The following NCBP1 variants were observed in gnomAD, a reference collection of about 807,000 sequenced individuals.
NCBP1 encodes nuclear cap-binding protein subunit 1.
In NCBP1, 16 loss-of-function variants were observed where a neutral mutation model predicts 111.7. That is an observed-to-expected ratio of 0.14 (90% CI 0.10 to 0.22). The LOEUF is 0.22. NCBP1 is among the 10% of genes least tolerant of loss of function. The pLI, the probability that NCBP1 is intolerant of heterozygous loss-of-function variation, is 1.00. For synonymous variants in NCBP1, 304 were observed against 314.3 expected (o/e 0.97, Z 0.35); for missense variants, 607 against 957.5 (o/e 0.63, Z 4.83).
At chr9:97,642,481 A>G (rs1827229178) in intron 3 of NCBP1, among the ~76,000 whole-genome samples, 1 of 152,028 alleles carries the variant, frequency 6.6e-6, no homozygotes, top group Admixed American at 6.6e-5. Flanking sequence ...ATGAATTCTT[A>G]TTGCTTTTTG....
At chr9:97,658,503 A>G in intron 14 of NCBP1, 137 bp from the exon 15 acceptor site, 2 of 665,670 alleles carry the variant, frequency 3.0e-6, no homozygotes, top group Non-Finnish European at 5.2e-6. Context: ...AACTCAAAGG[A>G]TTTTTTTTTC....
chr9:97,672,328 A>C lies in NCBP1; in HGVS notation c.*1129A>C, dbSNP rs1228420275. 2.0e-5 allele frequency: 3 copies of C among 152,120 alleles called. No homozygotes were observed. The highest frequency in any genetic ancestry group is 2.9e-5 in the Non-Finnish European group (2 of 68,016). 9.4% of individuals were successfully genotyped at this position (152,120 alleles called of 1,614,324 possible). A position where few individuals can be genotyped will look rare whatever the true frequency, so the allele number is the denominator to read the frequency against. ...GTATAATTTTTTCTTATTACATCCC[A>C]AGTTTATGATGCATTAAGCGTTTTG... On this transcript the variant is annotated 3_prime_UTR_variant, in exon 23 of 23. Transcript: ENST00000375147.
chr9:97,645,029 C>A, intron 4 of NCBP1, 88 bp from the exon 5 acceptor site: 1 of 958,022 alleles, frequency 1.0e-6, no homozygotes, highest in Non-Finnish European at 1.6e-6. Context: ...TTTTTTAGAC[C>A]AATAGTTTAG....
intron 1 of NCBP1, among the ~76,000 whole-genome samples, chr9:97,638,498 TA>T (rs752973928): frequency 2.6e-5 from 4 of 152,250 alleles, no homozygotes; most frequent in African/African-American, 4.8e-5. Flanking sequence ...AAAGTTAAGT[TA>T]GGAAGACTGT....
At chr9:97,643,492 T>C in intron 4 of NCBP1, 132 bp downstream of exon 4, 4 of 936,546 alleles carry the variant, frequency 4.3e-6, no homozygotes, top group Non-Finnish European at 6.1e-6. Flanking sequence ...AAGCCACCTT[T>C]ATTTTGACGA....
chr9:97,665,138 T>A (rs1222988258), intron 19 of NCBP1, among the ~76,000 whole-genome samples: 1 of 152,244 alleles, frequency 6.6e-6, no homozygotes, highest in Admixed American at 6.5e-5. Flanking sequence ...TTTTCCACTG[T>A]ATCTGTTACT....
chr9:97,667,615 T>G (rs1434448776), intron 20 of NCBP1, among the ~76,000 whole-genome samples: 2 of 152,214 alleles, frequency 1.3e-5, no homozygotes, highest in Non-Finnish European at 1.5e-5. Flanking sequence ...GTAGGTTGCA[T>G]AGCTGGTAAA....
intron 1 of NCBP1, among the ~76,000 whole-genome samples, chr9:97,638,406 C>CAAA (rs1827114037): frequency 6.6e-6 from 1 of 152,082 alleles, no homozygotes; most frequent in South Asian, 2.1e-4. Context: ...GCACTATTTT[C>CAAA]CCCTTTTCAA....
In NCBP1 at chr9:97,673,318, T is replaced by C. The variant is rs1373045833; in HGVS notation, c.*2119T>C. 6.6e-6 allele frequency: 1 copy of C among 152,166 alleles called. No individual in the cohort carries two copies. The highest frequency in any genetic ancestry group is 6.5e-5 in the Admixed American group (1 of 15,270). 9.4% of individuals were successfully genotyped at this position (152,166 alleles called of 1,614,324 possible). On this transcript the variant is annotated 3_prime_UTR_variant, in exon 23 of 23. Coordinates refer to ENST00000375147, the MANE Select transcript of NCBP1 (RefSeq NM_002486.5). ...TTCAAGGGTCAACTGTAGTTTAAAATGACTCCTGTCTCAAAAAACCAAAGG... is the reference window on the plus strand; with the variant it reads ...TTCAAGGGTCAACTGTAGTTTAAAACGACTCCTGTCTCAAAAAACCAAAGG...
In NCBP1 at chr9:97,672,287, C is replaced by A. The variant is rs1428665785; in HGVS notation, c.*1088C>A. 6.6e-6 allele frequency: 1 copy of A among 151,752 alleles called. No individual in the cohort carries two copies. Among genetic ancestry groups the A allele is most frequent in the Non-Finnish European group, 1.5e-5 (1 of 67,894 alleles). 9.4% of individuals were successfully genotyped at this position (151,752 alleles called of 1,614,324 possible). ...TACAACTACTGGTAGTGTTGTTGTG[C>A]ATTTGCACAAAATAGGTATAATTTT... On this transcript the variant is annotated 3_prime_UTR_variant, in exon 23 of 23. Coordinates refer to ENST00000375147, the MANE Select transcript of NCBP1 (RefSeq NM_002486.5).
At chr9:97,638,003 T>A (rs74306827) in intron 1 of NCBP1, among the ~76,000 whole-genome samples, 1 of 112,826 alleles carries the variant, frequency 8.9e-6, no homozygotes, top group South Asian at 3.2e-4. Context: ...AACTTTTACA[T>A]AGTTAAATTT....
intron 6 of NCBP1, 137 bp downstream of exon 6, chr9:97,645,869 T>A: frequency 9.2e-7 from 1 of 1,086,258 alleles, no homozygotes; most frequent in Non-Finnish European, 1.3e-6. Flanking sequence ...TCCTGCTGTT[T>A]TAACTCACTG....
At chr9:97,648,306 G>T in intron 8 of NCBP1, 83 bp downstream of exon 8, 1 of 1,286,718 alleles carries the variant, frequency 7.8e-7, no homozygotes, top group Non-Finnish European at 1.1e-6. Context: ...TATGCCTGTG[G>T]TATGTTTTAA....
chr9:97,645,783 A>G (rs1310771806), intron 6 of NCBP1, 51 bp downstream of exon 6: 2 of 1,586,152 alleles, frequency 1.3e-6, no homozygotes, highest in African/African-American at 1.3e-5. Flanking sequence ...AGGATATCTT[A>G]TATCAGTGAT....
intron 20 of NCBP1, among the ~76,000 whole-genome samples, chr9:97,668,339 T>A (rs1292469642): frequency 6.6e-6 from 1 of 152,148 alleles, no homozygotes; most frequent in African/African-American, 2.4e-5. Flanking sequence ...GGGGCAGGGA[T>A]TATTAAAGCT....
chr9:97,656,185 C>A, intron 14 of NCBP1, 100 bp downstream of exon 14: 1 of 950,844 alleles, frequency 1.1e-6, no homozygotes. Flanking sequence ...TCAAAATCCA[C>A]TTACTCATCT....
At position 97,671,337 on chromosome 9, in the gene NCBP1, TG is replaced by T. The variant is rs1339006519; in HGVS notation, c.*139del. On this transcript the variant is annotated 3_prime_UTR_variant, in exon 23 of 23. Transcript: ENST00000375147. ...AAACAAAGGGGAAGAGGACAGTGAATGAACATGGCATTACTTTTAATTGCCC... is the reference window on the plus strand; with the variant it reads ...AAACAAAGGGGAAGAGGACAGTGAATAACATGGCATTACTTTTAATTGCCC... The T allele has an allele frequency of 1.6e-6, 1 of 621,742 alleles. No individual in the cohort carries two copies. Among genetic ancestry groups the T allele is most frequent in the Non-Finnish European group, 2.7e-6 (1 of 363,922 alleles). 38.5% of individuals were successfully genotyped at this position (621,742 alleles called of 1,614,324 possible).
intron 10 of NCBP1, among the ~76,000 whole-genome samples, chr9:97,653,558 GAATAAGCATTA>G (rs1827557643): frequency 1.4e-5 from 2 of 143,756 alleles, no homozygotes; most frequent in African/African-American, 2.5e-5. Flanking sequence ...AGTGTAGATC[GAATAAGCATTA>G]GTGTCGTGTG....
Position 97,654,963 on chromosome 9 carries a change from TGCTGA to T in NCBP1, c.1235+26_1235+30del. On this transcript the variant is annotated intron_variant, in intron 12 of 22. Transcript: ENST00000375147. Reference sequence around the variant, plus strand: ...TAGACAGGTACAGTAATCGCTTTACTGCTGAGCTGAGTTAGCAGCTTTTACTTCCT... The same window carrying T: ...TAGACAGGTACAGTAATCGCTTTACTGCTGAGTTAGCAGCTTTTACTTCCT... 1 of 1,546,012 alleles carries T rather than the reference TGCTGA, an allele frequency of 6.5e-7. No homozygotes were observed. The highest frequency in any genetic ancestry group is 1.2e-5 in the South Asian group (1 of 82,342).
Sources: allele counts gnomAD v4.1 joint callset (sites outside exome capture counted in the v4.1 genomes callset), GRCh38; gene constraint gnomAD v4.1.1; transcripts MANE v1.5; gene names NCBI Gene and HGNC (gene_info 2026-07-23, HGNC 2026-07-21).